Variants in HPR observed in about 807,000 individuals in gnomAD.
HPR encodes the protein haptoglobin-related protein, also known as Haptoglobin-related locus.
HPR carries 17 observed loss-of-function variants against 18.5 expected under a neutral mutation model. That is an observed-to-expected ratio of 0.92 (90% CI 0.63 to 1.38). The LOEUF (loss-of-function observed/expected upper bound fraction) is 1.38, where lower values mean the gene tolerates loss of function less well. Ranked by LOEUF, HPR falls within the 40% of genes most tolerant of loss-of-function variation. The pLI is 0.00. For synonymous variants in HPR, 176 were observed against 165.0 expected, an observed-to-expected ratio of 1.07 and a Z score of -0.51; for missense variants, 457 against 432.4, an observed-to-expected ratio of 1.06 and a Z score of -0.51.
At position 72,075,204 on chromosome 16, in the gene HPR, C is replaced by T; in HGVS notation, c.253C>T (p.Pro85Ser). 1 of 1,472,516 alleles carries T rather than the reference C, an allele frequency of 6.8e-7. No homozygotes were observed. The highest frequency in any genetic ancestry group is 1.4e-5 in the African/African-American group (1 of 72,118). The allele number at this position is 1,472,516 out of a possible 1,614,324, so 91.2% of individuals were successfully genotyped here. A position where few individuals can be genotyped will look rare whatever the true frequency, so the allele number is the denominator to read the frequency against. ...AAATAAGGCTGTTGGAGATAAACTTCCTGAATGTGAAGCAGGTGGGTGCTG... is the reference window on the plus strand; with the variant it reads ...AAATAAGGCTGTTGGAGATAAACTTTCTGAATGTGAAGCAGGTGGGTGCTG... ...WINKAVGDKL[P>S]ECEAVCGKPK... Residue 85 changes from proline (P) to serine (S), a missense_variant, in exon 4 of 5, where the codon CCT becomes TCT. Physicochemically the swap from Pro to Ser is moderately conservative, Grantham distance 74 (BLOSUM62 -1). Coordinates refer to ENST00000540303, the MANE Select transcript of HPR (RefSeq NM_020995.4).
chr16:72,067,025 GA>G (rs904285644), intron 1 of HPR, among the ~76,000 whole-genome samples: 4 of 152,022 alleles, frequency 2.6e-5, no homozygotes, highest in Non-Finnish European at 5.9e-5. Context: ...AGAAAAGCAA[GA>G]CCAAAAAATC....
rs1398358321 is a variant in HPR, at chr16:72,074,193, T to C, written c.92-91T>C. On this transcript the variant is annotated intron_variant, in intron 2 of 4. Transcript: ENST00000540303. ...TCTATTTGGGGTAGAAGGAGATTGATGTGCAGAGCAGCTTCCACTCATCTG... is the reference window on the plus strand; with the variant it reads ...TCTATTTGGGGTAGAAGGAGATTGACGTGCAGAGCAGCTTCCACTCATCTG... 7 of 1,287,800 alleles carry C rather than the reference T, an allele frequency of 5.4e-6. No homozygotes were observed. The African/African-American group carries it at 7.1e-5, about 13-fold the overall frequency. 79.8% of individuals were successfully genotyped at this position (1,287,800 alleles called of 1,614,324 possible).
chr16:72,063,295 G>T, intron 1 of HPR, 35 bp downstream of exon 1: 1 of 1,567,260 alleles, frequency 6.4e-7, no homozygotes, highest in Non-Finnish European at 8.7e-7. Context: ...CCTTTCCTCT[G>T]GTTCTTTATT....
At chr16:72,075,587 G>C (rs2041710850) in intron 4 of HPR, among the ~76,000 whole-genome samples, 1 of 152,208 alleles carries the variant, frequency 6.6e-6, no homozygotes, top group Admixed American at 6.5e-5. Flanking sequence ...CCTAGCAGGA[G>C]GCTGGACATG....
intron 4 of HPR, among the ~76,000 whole-genome samples, chr16:72,075,929 C>G (rs1480029393): frequency 1.3e-5 from 2 of 151,728 alleles, no homozygotes; most frequent in Non-Finnish European, 2.9e-5. Context: ...ACTGCCTCAG[C>G]CTCCCAAAGT....
chr16:72,074,624 T>C, intron 3 of HPR: 2 of 715,256 alleles, frequency 2.8e-6, no homozygotes, highest in Non-Finnish European at 5.2e-6. Flanking sequence ...CTACCTCATG[T>C]AAATCTCAGA....
At chr16:72,072,447 A>G (rs1260092972) in intron 1 of HPR, among the ~76,000 whole-genome samples, 2 of 152,162 alleles carry the variant, frequency 1.3e-5, no homozygotes, top group Non-Finnish European at 2.9e-5. Flanking sequence ...TCATTATCGG[A>G]ACCCGATGCT....
rs191451367 is a variant in HPR, at chr16:72,067,334, T to C, written c.5+4074T>C. Among the ~76,000 whole-genome samples the C allele has an allele frequency of 5.0e-3, 766 of 152,248 alleles. 20 individuals are homozygous for C. The highest frequency in any genetic ancestry group is 2.1e-3 in the East Asian group (11 of 5,160). ...AATGTTGCCTGCTCTTCAGAAGAACTTATAGTCTCTGAGATAAAAGGGGAA... is the reference window on the plus strand; with the variant it reads ...AATGTTGCCTGCTCTTCAGAAGAACCTATAGTCTCTGAGATAAAAGGGGAA... On this transcript the variant is annotated intron_variant, in intron 1 of 4. Transcript: ENST00000540303.
At chr16:72,075,788 A>T (rs1409025993) in intron 4 of HPR, among the ~76,000 whole-genome samples, 1 of 151,916 alleles carries the variant, frequency 6.6e-6, no homozygotes, top group Non-Finnish European at 1.5e-5. Context: ...TTCTTCAGAG[A>T]TGATGAATTA....
chr16:72,063,934 G>A (rs929392387), intron 1 of HPR, among the ~76,000 whole-genome samples: 1 of 152,106 alleles, frequency 6.6e-6, no homozygotes, highest in African/African-American at 2.4e-5. Context: ...GTAGCGATGT[G>A]GTTCACCATG....
intron 1 of HPR, among the ~76,000 whole-genome samples, chr16:72,064,833 A>C (rs141952262): frequency 6.6e-6 from 1 of 152,008 alleles, no homozygotes; most frequent in Non-Finnish European, 1.5e-5. Flanking sequence ...GTCTTTGATC[A>C]CCTCTTGTGA....
Position 72,073,723 on chromosome 16 carries a change from C to T in HPR, c.6-169C>T. The T allele has an allele frequency of 5.9e-6, 9 of 1,530,948 alleles. 1 individual carries two copies. In the Admixed American group the frequency reaches 1.7e-4, roughly 29 times the overall value. 94.8% of individuals were successfully genotyped at this position (1,530,948 alleles called of 1,614,324 possible). On this transcript the variant is annotated intron_variant, in intron 1 of 4. Coordinates refer to ENST00000540303, the MANE Select transcript of HPR (RefSeq NM_020995.4). ...TGGGGGCAACTTCTTGGTCCTAGCA[C>T]TTCCATATATTGATTTTCTTTTCTG...
At chr16:72,064,440 C>G (rs1166585150) in intron 1 of HPR, among the ~76,000 whole-genome samples, 1 of 152,092 alleles carries the variant, frequency 6.6e-6, no homozygotes, top group Non-Finnish European at 1.5e-5. Context: ...CATCTGCTAC[C>G]CACTCTGTGA....
intron 1 of HPR, among the ~76,000 whole-genome samples, chr16:72,069,364 G>A (rs1373052761): frequency 6.6e-6 from 1 of 152,144 alleles, no homozygotes; most frequent in Non-Finnish European, 1.5e-5. Context: ...TTTGAAAGTC[G>A]AGGAAATAAC....
intron 1 of HPR, 89 bp from the exon 2 acceptor site, chr16:72,073,803 T>G: frequency 6.2e-7 from 1 of 1,605,172 alleles, no homozygotes; most frequent in Non-Finnish European, 8.5e-7. Flanking sequence ...CGTGTGTGTG[T>G]GTGTGTACAT....
chr16:72,071,089 AAC>A (rs2041650540), intron 1 of HPR, among the ~76,000 whole-genome samples: 1 of 152,102 alleles, frequency 6.6e-6, no homozygotes, highest in African/African-American at 2.4e-5. Flanking sequence ...AAAAATCTTC[AAC>A]CACTGGTTAA....
At chr16:72,072,140 C>T (rs1309771094) in intron 1 of HPR, among the ~76,000 whole-genome samples, 3 of 152,084 alleles carry the variant, frequency 2.0e-5, no homozygotes, top group African/African-American at 7.2e-5. Flanking sequence ...TCCCGAGTAG[C>T]TGGGATTATA....
At chr16:72,074,639 G>C (rs755685829) in intron 3 of HPR, 51 of 712,866 alleles carry the variant, frequency 7.2e-5, no homozygotes, top group East Asian at 1.6e-4. Context: ...CTCAGAGTCA[G>C]ATTTACATCT....
At chr16:72,074,856 G>A (rs1054461268) in intron 3 of HPR, 104 of 649,044 alleles carry the variant, frequency 1.6e-4, no homozygotes, top group Admixed American at 9.4e-4. Context: ...AAATTCAGGT[G>A]GCCTGTAAGA....
Sources: allele counts gnomAD v4.1 joint callset (sites outside exome capture counted in the v4.1 genomes callset), GRCh38; gene constraint gnomAD v4.1.1; transcripts MANE v1.5; gene names NCBI Gene and HGNC (gene_info 2026-07-23, HGNC 2026-07-21).